KHDRBS3: variants seen among roughly 807,000 people sequenced by gnomAD.
KHDRBS3 encodes KH RNA binding domain containing, signal transduction associated 3.
In KHDRBS3, 23 loss-of-function variants were observed where a neutral mutation model predicts 45.6. The ratio of observed to expected loss-of-function variants is 0.50; its 90% CI spans 0.36 to 0.72. The LOEUF (loss-of-function observed/expected upper bound fraction) is 0.72, where lower values mean the gene tolerates loss of function less well. Among genes scored for constraint, KHDRBS3 ranks in the 30% least tolerant of loss-of-function variants. KHDRBS3 has a pLI of 0.00. For synonymous variants in KHDRBS3, 162 were observed against 156.5 expected (o/e 1.04, Z -0.26); for missense variants, 352 against 424.8 (o/e 0.83, Z 1.51).
intron 2 of KHDRBS3, among the ~76,000 whole-genome samples, chr8:135,528,978 T>C (rs1388750855): frequency 1.3e-5 from 2 of 152,148 alleles, no homozygotes; most frequent in Non-Finnish European, 2.9e-5. Flanking sequence ...AGCTGGCTAG[T>C]TGGGATTTTG....
intron 1 of KHDRBS3, among the ~76,000 whole-genome samples, chr8:135,463,936 C>G (rs1462197976): frequency 1.3e-5 from 2 of 152,206 alleles, no homozygotes; most frequent in Non-Finnish European, 2.9e-5. Flanking sequence ...GTGCCAGCTG[C>G]TTTCTGTGCA....
chr8:135,624,287 G>C (rs1830267241), intron 7 of KHDRBS3, among the ~76,000 whole-genome samples: 1 of 152,142 alleles, frequency 6.6e-6, no homozygotes, highest in Non-Finnish European at 1.5e-5. Context: ...AGTGGGCAAA[G>C]GGAGCAGAGA....
At chr8:135,515,833 A>G (rs949712645) in intron 1 of KHDRBS3, among the ~76,000 whole-genome samples, 18 of 152,220 alleles carry the variant, frequency 1.2e-4, no homozygotes, top group African/African-American at 4.3e-4. Flanking sequence ...GCAAAAAGAG[A>G]TACAGTGAAA....
At chr8:135,514,763 C>G (rs565614809) in intron 1 of KHDRBS3, among the ~76,000 whole-genome samples, 51 of 152,072 alleles carry the variant, frequency 3.4e-4, no homozygotes, top group Admixed American at 2.0e-4. Context: ...GATTTGAATT[C>G]TGACTGTGCT....
intron 7 of KHDRBS3, among the ~76,000 whole-genome samples, chr8:135,638,878 T>C (rs2131172283): frequency 6.6e-6 from 1 of 151,844 alleles, no homozygotes; most frequent in East Asian, 1.9e-4. Context: ...GGAGAATTGC[T>C]TGAACCTGGG....
At position 135,531,359 on chromosome 8, in the gene KHDRBS3, G is replaced by A. The variant is rs146078550; in HGVS notation, c.207+10004G>A. ...TACTAATAATACCTAGTGATCTGTA[G>A]TTGGAAAATTAATATATTTAAATAA... On this transcript the variant is annotated intron_variant, in intron 2 of 8. Transcript: ENST00000355849. Among the ~76,000 whole-genome samples the A allele has an allele frequency of 2.5e-3, 373 of 151,946 alleles. 1 individual carries two copies. Among genetic ancestry groups the A allele is most frequent in the Non-Finnish European group, 4.6e-3 (311 of 67,984 alleles).
chr8:135,566,645 A>G (rs1385313535), intron 5 of KHDRBS3, among the ~76,000 whole-genome samples: 2 of 152,162 alleles, frequency 1.3e-5, no homozygotes, highest in African/African-American at 4.8e-5. Flanking sequence ...ACTTGAGCCC[A>G]TGAGTTTGTG....
At chr8:135,543,259 A>C (rs1826130575) in intron 3 of KHDRBS3, among the ~76,000 whole-genome samples, 5 of 152,170 alleles carry the variant, frequency 3.3e-5, no homozygotes, top group Admixed American at 3.3e-4. Flanking sequence ...TTATTGTTCT[A>C]ACACATAATT....
In KHDRBS3 at chr8:135,531,542, G is replaced by C. The variant is rs181859408; in HGVS notation, c.207+10187G>C. ...ATACGAAAAATGCTTAATTAAATGT[G>C]GGTCCTACTTGCTCTCAAATAATTC... On this transcript the variant is annotated intron_variant, in intron 2 of 8. Transcript: ENST00000355849. Among the ~76,000 whole-genome samples, 451 of 152,052 alleles carry C rather than the reference G, an allele frequency of 3.0e-3. 3 individuals are homozygous for C. The highest frequency in any genetic ancestry group is 2.6e-3 in the Non-Finnish European group (180 of 67,960).
chr8:135,581,880 G>C lies in KHDRBS3; in HGVS notation c.614G>C (p.Gly205Ala). ...TAATTTGACTCTCTTGGTTACAGGG[G>C]AAGGGGAGGAGTTACAGCCCGGCCA... is the stretch of plus-strand genomic sequence containing the variant. The part of the protein sequence containing the change: ...RGVPAPAITR[G>A]RGGVTARPVG... The change falls in exon 6 of 9, where the codon GGA (glycine) becomes GCA (alanine). Residue 205 changes from glycine to alanine, a missense_variant and splice_region_variant. Around this residue, in one of 6 missense-constraint regions of KHDRBS3, gnomAD observed 212 missense variants for 209.6 expected, o/e 1.01. Transcript: ENST00000355849. 1 of 1,583,314 alleles carries C rather than the reference G, an allele frequency of 6.3e-7. No homozygotes were observed.
intron 1 of KHDRBS3, among the ~76,000 whole-genome samples, chr8:135,503,568 GTT>G (rs971681017): frequency 7.0e-6 from 1 of 143,736 alleles, no homozygotes; most frequent in Non-Finnish European, 1.5e-5. Flanking sequence ...AAGTTTTTTT[GTT>G]TTTTTTTTTT....
At chr8:135,600,683 G>T (rs1829168853) in intron 6 of KHDRBS3, among the ~76,000 whole-genome samples, 1 of 152,132 alleles carries the variant, frequency 6.6e-6, no homozygotes, top group Non-Finnish European at 1.5e-5. Context: ...GACAACATAG[G>T]GATGCGTTAT....
chr8:135,573,858 A>G (rs1479579821), intron 5 of KHDRBS3, among the ~76,000 whole-genome samples: 1 of 152,210 alleles, frequency 6.6e-6, no homozygotes, highest in Non-Finnish European at 1.5e-5. Flanking sequence ...GAAAAACCCA[A>G]AAAGAAAGAA....
chr8:135,481,646 G>A (rs1822584996), intron 1 of KHDRBS3, among the ~76,000 whole-genome samples: 1 of 152,132 alleles, frequency 6.6e-6, no homozygotes, highest in African/African-American at 2.4e-5. Flanking sequence ...CTTTTTAGAA[G>A]GTGAATAACT....
At chr8:135,504,314 A>G (rs1041713648) in intron 1 of KHDRBS3, among the ~76,000 whole-genome samples, 5 of 152,204 alleles carry the variant, frequency 3.3e-5, no homozygotes, top group Non-Finnish European at 7.4e-5. Flanking sequence ...ACAGGTGACA[A>G]AATAGCTCGT....
intron 1 of KHDRBS3, among the ~76,000 whole-genome samples, chr8:135,476,639 A>G (rs1265968909): frequency 6.6e-6 from 1 of 152,132 alleles, no homozygotes; most frequent in African/African-American, 2.4e-5. Context: ...TAACACTGTT[A>G]CCATTGAGTA....
chr8:135,620,180 C>T (rs1009252282), intron 7 of KHDRBS3, among the ~76,000 whole-genome samples: 27 of 151,712 alleles, frequency 1.8e-4, no homozygotes, highest in African/African-American at 6.1e-4. Context: ...TGAAGCGATT[C>T]TCCATCCTCA....
At chr8:135,580,695 C>T (rs903793480) in intron 5 of KHDRBS3, among the ~76,000 whole-genome samples, 14 of 151,568 alleles carry the variant, frequency 9.2e-5, no homozygotes, top group African/African-American at 3.2e-4. Context: ...TCACTGCAAC[C>T]TCAGCCTCTT....
chr8:135,616,335 A>G (rs1179851577), intron 7 of KHDRBS3, among the ~76,000 whole-genome samples: 2 of 152,198 alleles, frequency 1.3e-5, no homozygotes, highest in African/African-American at 4.8e-5. Flanking sequence ...GGGGGAAAAA[A>G]ATTAGGTTCC....
Sources: allele counts gnomAD v4.1 joint callset (sites outside exome capture counted in the v4.1 genomes callset), GRCh38; gene constraint gnomAD v4.1.1; regional missense constraint gnomAD v4.1.1; transcripts MANE v1.5; gene names NCBI Gene and HGNC (gene_info 2026-07-23, HGNC 2026-07-21).